APBA3: variants seen among roughly 807,000 people sequenced by gnomAD.
APBA3 encodes amyloid beta precursor protein binding family A member 3.
Under a neutral mutation model 55.9 loss-of-function variants are expected in APBA3, and 45 were observed. The observed-to-expected ratio is 0.80, with a 90% CI of 0.63 to 1.03. The LOEUF is 1.03. Ranked by LOEUF, APBA3 falls within the 50% of genes least tolerant of loss-of-function variation. The probability of loss-of-function intolerance (pLI) is 0.00; values close to 1 mark genes in which losing one functional copy is unlikely to be tolerated. For synonymous variants in APBA3, 370 were observed against 353.3 expected, an observed-to-expected ratio of 1.05 and a Z score of -0.53; for missense variants, 865 against 820.3, an observed-to-expected ratio of 1.05 and a Z score of -0.67.
intron 3 of APBA3, among the ~76,000 whole-genome samples, chr19:3,758,392 G>A (rs1433396315): frequency 6.6e-6 from 1 of 151,984 alleles, no homozygotes; most frequent in Non-Finnish European, 1.5e-5. Flanking sequence ...CTGAGTAGCT[G>A]GGACTACAGG....
chr19:3,760,987 G>A (rs908734896), intron 1 of APBA3, among the ~76,000 whole-genome samples: 1 of 152,132 alleles, frequency 6.6e-6, no homozygotes, highest in African/African-American at 2.4e-5. Flanking sequence ...GGCTCTAGCT[G>A]GGTACTGTTC....
chr19:3,751,295 C>T lies in APBA3; in HGVS notation c.1550G>A (p.Arg517His), dbSNP rs372902488. 3.4e-5 allele frequency: 52 copies of T among 1,540,430 alleles called. 1 individual carries two copies. The highest frequency in any genetic ancestry group is 2.2e-4 in the Middle Eastern group (1 of 4,628). ...GCGGTGGCCGACGCGGATGCCCCCA[C>T]GCTCGGCGATGCCACCACGGAGGAG... ...CSLLRGGIAE[R>H]GGIRVGHRII... is the part of the protein sequence containing the mutation. The change falls in exon 10 of 11, where the codon CGT becomes CAT. Residue 517 changes from arginine to histidine, a missense_variant. Arg to His is a conservative substitution (Grantham distance 29). Coordinates refer to ENST00000316757, the MANE Select transcript of APBA3 (RefSeq NM_004886.4).
In APBA3 at chr19:3,751,208, A is replaced by T. The variant is rs1275794802; in HGVS notation, c.1637T>A (p.Leu546His). Residue 546 changes from leucine to histidine, a missense_variant, in exon 10 of 11, where the codon CTC (leucine) becomes CAC (histidine). Leu to His is a moderately conservative substitution (Grantham distance 99). Coordinates refer to ENST00000316757, the MANE Select transcript of APBA3 (RefSeq NM_004886.4). ...ATPHARIIEL[L>H]TEAYGEVHIK... ...GCACACCTCGCCATAGGCCTCGGTG[A>T]GCAGCTCGATGATGCGGGCGTGTGG... is the stretch of plus-strand genomic sequence containing the variant. The T allele has an allele frequency of 6.4e-7, 1 of 1,552,442 alleles. No individual in the cohort carries two copies. The highest frequency in any genetic ancestry group is 8.7e-7 in the Non-Finnish European group (1 of 1,149,170).
rs2302307 is a variant in APBA3, at chr19:3,761,654, G to A, written c.-156C>T. On this transcript the variant is annotated 5_prime_UTR_variant, in exon 1 of 11. Transcript: ENST00000316757. ...GCGCAGCTCGGGGATTCCCGGTCCCGGCGCCCGCTCCTCTATCCGCGCAGA... is the reference window on the plus strand; with the variant it reads ...GCGCAGCTCGGGGATTCCCGGTCCCAGCGCCCGCTCCTCTATCCGCGCAGA... 84,438 of 152,220 alleles carry A rather than the reference G, an allele frequency of 0.55. 24,395 individuals are homozygous for A. The highest frequency in any genetic ancestry group is 0.67 in the East Asian group (3,478 of 5,164). 9.4% of individuals were successfully genotyped at this position (152,220 alleles called of 1,614,324 possible). A position where few individuals can be genotyped will look rare whatever the true frequency, so the allele number is the denominator to read the frequency against.
chr19:3,758,516 C>T (rs562218879), intron 3 of APBA3, among the ~76,000 whole-genome samples: 27 of 152,274 alleles, frequency 1.8e-4, no homozygotes, highest in African/African-American at 6.5e-4. Flanking sequence ...GCCTCAGCCT[C>T]CCAAAGAGCT....
chr19:3,755,559 C>A (rs111673768), intron 3 of APBA3: 1 of 51,264 alleles, frequency 2.0e-5, no homozygotes, highest in East Asian at 5.4e-4. Context: ...TTTAGGAGGC[C>A]GGGGGGGGGG....
rs371254016 is a variant in APBA3, at chr19:3,752,642, C to G, written c.1261G>C (p.Ala421Pro). The G allele has an allele frequency of 4.4e-6, 7 of 1,589,446 alleles. No homozygotes were observed. The African/African-American group carries it at 9.4e-5, about 21-fold the overall frequency. The stretch of plus-strand genomic sequence containing the variant: ...CCGTGCAGCAGGTTGGCGATGACGG[C>G]TGTGGGCAGCAGGGAGCCCCAGCCC... The part of the protein sequence containing the change: ...ESGWGSLLPT[A>P]VIANLLHGGP... Residue 421 changes from alanine to proline, a missense_variant, in exon 8 of 11, where the codon GCC becomes CCC. Coordinates refer to ENST00000316757, the MANE Select transcript of APBA3 (RefSeq NM_004886.4).
At chr19:3,753,234 C>G in intron 6 of APBA3, 2 of 565,372 alleles carry the variant, frequency 3.5e-6, no homozygotes, top group Admixed American at 3.2e-5. Flanking sequence ...CAGCTCCCTG[C>G]GCATGGGCTG....
At chr19:3,753,673 G>T in intron 6 of APBA3, 92 bp downstream of exon 6, 2 of 1,230,928 alleles carry the variant, frequency 1.6e-6, no homozygotes, top group Non-Finnish European at 2.2e-6. Context: ...ATAAGCTTAT[G>T]GGAGGGAGGT....
intron 3 of APBA3, chr19:3,755,208 G>T: frequency 6.6e-6 from 1 of 152,298 alleles, no homozygotes; most frequent in Non-Finnish European, 1.5e-5. Context: ...AGCTGGTTCT[G>T]ACCCTTGATT....
chr19:3,758,044 C>T (rs1327018071), intron 3 of APBA3, among the ~76,000 whole-genome samples: 2 of 152,102 alleles, frequency 1.3e-5, no homozygotes, highest in Non-Finnish European at 2.9e-5. Flanking sequence ...ATGTGATTCT[C>T]CTGCCTCAGC....
chr19:3,752,357 T>G, intron 8 of APBA3, 151 bp downstream of exon 8: 1 of 721,748 alleles, frequency 1.4e-6, no homozygotes, highest in Non-Finnish European at 2.2e-6. Context: ...CAGGCCTCAG[T>G]TTCCCCAAGG....
intron 3 of APBA3, chr19:3,754,618 C>A (rs2037054397): frequency 4.8e-6 from 2 of 418,210 alleles, no homozygotes; most frequent in Non-Finnish European, 8.5e-6. Context: ...CCCACAGATA[C>A]CTTCACCCCG....
chr19:3,752,494 A>T lies in APBA3; in HGVS notation c.1395+14T>A. On this transcript the variant is annotated intron_variant, in intron 8 of 10. Transcript: ENST00000316757. ...CCTGGGAGTGTGGGGGCCCTGCCAC[A>T]CCAGGAAACTCACGCGGACAGCGGC... 1 of 1,555,982 alleles carries T rather than the reference A, an allele frequency of 6.4e-7. No homozygotes were observed. Among genetic ancestry groups the T allele is most frequent in the South Asian group, 1.2e-5 (1 of 85,172 alleles).
At chr19:3,760,593 C>CA (rs3214297) in intron 1 of APBA3, among the ~76,000 whole-genome samples, 86,961 of 151,814 alleles carry the variant, frequency 0.57, 25,928 homozygotes, top group East Asian at 0.67. Context: ...ACTAAAAATA[C>CA]AAAAAATTAG....
rs369816501 is a variant in APBA3 at position 3,752,712 on chromosome 19, G to C, written c.1191C>G (p.Leu397=). 3.1e-6 allele frequency: 5 copies of C among 1,599,920 alleles called. No homozygotes were observed. In the East Asian group the frequency reaches 1.1e-4, roughly 36 times the overall value. ...SNSDNCREVH[L]EKRRGEGLGV... ...CCAGGCCCTCCCCTCGCCGCTTCTC[G>C]AGGTGCACCTGGGACACACAGGGGG... The change falls in exon 8 of 11, where the codon CTC becomes CTG. Residue 397 remains leucine, a synonymous_variant. Coordinates refer to ENST00000316757, the MANE Select transcript of APBA3 (RefSeq NM_004886.4).
In APBA3 at chr19:3,754,189, C is replaced by G; in HGVS notation, c.762+6G>C. ...CCTGCCCGCCCGGCCCCGGCCGCCC[C>G]CTCACCTTGACGCGGTCCATGGCCT... On this transcript the variant is annotated splice_donor_region_variant and intron_variant, in intron 4 of 10. Coordinates refer to ENST00000316757, the MANE Select transcript of APBA3 (RefSeq NM_004886.4). The G allele has an allele frequency of 6.5e-7, 1 of 1,542,036 alleles. No homozygotes were observed. Among genetic ancestry groups the G allele is most frequent in the Non-Finnish European group, 8.8e-7 (1 of 1,142,528 alleles).
chr19:3,752,535 G>A lies in APBA3; in HGVS notation c.1368C>T (p.Pro456=). 1 of 1,586,474 alleles carries A rather than the reference G, an allele frequency of 6.3e-7. No homozygotes were observed. Among genetic ancestry groups the A allele is most frequent in the Non-Finnish European group, 8.5e-7 (1 of 1,171,528 alleles). The change falls in exon 8 of 11, where the codon CCC becomes CCT. Residue 456 remains proline, a synonymous_variant. Coordinates refer to ENST00000316757, the MANE Select transcript of APBA3 (RefSeq NM_004886.4). Reference sequence around the variant, plus strand: ...GGACAGCGGCCTGGCACGCAGCCAGGGGCAGCCCCACCAGGCTGGTCCCGT... The same window carrying A: ...GGACAGCGGCCTGGCACGCAGCCAGAGGCAGCCCCACCAGGCTGGTCCCGT... ...AINGTSLVGL[P]LAACQAAVRE...
At chr19:3,758,107 G>C (rs972049012) in intron 3 of APBA3, among the ~76,000 whole-genome samples, 1 of 151,374 alleles carries the variant, frequency 6.6e-6, no homozygotes, top group Non-Finnish European at 1.5e-5. Context: ...GCTAATTTTT[G>C]TATGTTTAGT....
Sources: gnomAD v4.1 joint callset for allele counts (sites outside exome capture counted in the v4.1 genomes callset) on GRCh38, gnomAD v4.1.1 for gene constraint, MANE v1.5 for transcripts, NCBI Gene and HGNC (gene_info 2026-07-23, HGNC 2026-07-21) for gene names.